Variants in LINGO2 observed in about 807,000 individuals in gnomAD.
LINGO2 encodes leucine rich repeat and Ig domain containing 2, also known as leucine-rich repeat and immunoglobulin-like domain-containing nogo receptor-interacting protein 2.
Under a neutral mutation model 30.6 loss-of-function variants are expected in LINGO2, and 14 were observed. The observed-to-expected ratio is 0.46, with a 90% CI of 0.30 to 0.72. The LOEUF is 0.72. Among genes scored for constraint, LINGO2 ranks in the 30% least tolerant of loss-of-function variants. The pLI is 0.07. For synonymous variants in LINGO2, 317 were observed against 288.5 expected (o/e 1.10, Z -1.00); for missense variants, 729 against 751.7 (o/e 0.97, Z 0.35).
intron 3 of LINGO2, among the ~76,000 whole-genome samples, chr9:28,361,340 T>C (rs1820434887): frequency 6.6e-6 from 1 of 152,160 alleles, no homozygotes; most frequent in African/African-American, 2.4e-5. Context: ...TATGTATGTA[T>C]AGGGAAAAAC....
At chr9:28,872,331 A>C in the LINGO2 span, among the ~76,000 whole-genome samples, 1 of 152,160 alleles carries the variant, frequency 6.6e-6, no homozygotes, top group Admixed American at 6.6e-5. Context: ...TTTGACATCA[A>C]ACTATTGTAG....
At chr9:28,940,639 A>G in the LINGO2 span, among the ~76,000 whole-genome samples, 1 of 152,176 alleles carries the variant, frequency 6.6e-6, no homozygotes, top group African/African-American at 2.4e-5. Flanking sequence ...ATCAGTTATA[A>G]CAAACATTAA....
At chr9:28,340,328 G>T (rs1293652178) in intron 3 of LINGO2, among the ~76,000 whole-genome samples, 3 of 152,092 alleles carry the variant, frequency 2.0e-5, no homozygotes, top group Non-Finnish European at 4.4e-5. Context: ...AATACTGCTA[G>T]CTGATTTGAT....
At chr9:28,530,022 T>A (rs1015549307) in intron 1 of LINGO2, among the ~76,000 whole-genome samples, 2 of 151,930 alleles carry the variant, frequency 1.3e-5, no homozygotes, top group Non-Finnish European at 1.5e-5. Flanking sequence ...ATGATTAAGG[T>A]TGGAAGTAGA....
At chr9:28,377,961 A>G (rs1446445448) in intron 2 of LINGO2, among the ~76,000 whole-genome samples, 4 of 152,218 alleles carry the variant, frequency 2.6e-5, no homozygotes, top group Non-Finnish European at 4.4e-5. Context: ...AGATTTTACA[A>G]GCAGTGAACA....
upstream of LINGO2, among the ~76,000 whole-genome samples, chr9:28,670,978 CTT>C (rs1402408644): frequency 6.6e-6 from 1 of 151,904 alleles, no homozygotes; most frequent in Non-Finnish European, 1.5e-5. Flanking sequence ...GGGGAAGAAA[CTT>C]TTCAAAAAAG....
chr9:28,847,493 T>C, the LINGO2 span, among the ~76,000 whole-genome samples: 1 of 146,998 alleles, frequency 6.8e-6, no homozygotes, highest in Non-Finnish European at 1.5e-5. Flanking sequence ...TCTGTTATGA[T>C]CATGTCTTTT....
the LINGO2 span, among the ~76,000 whole-genome samples, chr9:29,099,440 G>C: frequency 6.6e-6 from 1 of 152,140 alleles, no homozygotes; most frequent in South Asian, 2.1e-4. Context: ...ATGTAGTGAA[G>C]ATACAACCCA....
chr9:28,445,567 T>C (rs866009542), intron 2 of LINGO2, among the ~76,000 whole-genome samples: 3 of 142,810 alleles, frequency 2.1e-5, no homozygotes, highest in Admixed American at 2.1e-4. Context: ...AAAATTGTTA[T>C]TTTTTTTACA....
At chr9:28,111,766 G>A (rs1375669880) in intron 4 of LINGO2, among the ~76,000 whole-genome samples, 1 of 152,022 alleles carries the variant, frequency 6.6e-6, no homozygotes, top group African/African-American at 2.4e-5. Flanking sequence ...TTAAAACCAG[G>A]AAAGAATGCT....
chr9:28,044,032 A>G (rs1186365439), intron 4 of LINGO2, among the ~76,000 whole-genome samples: 1 of 152,192 alleles, frequency 6.6e-6, no homozygotes, highest in African/African-American at 2.4e-5. Flanking sequence ...GTGAAGCTCC[A>G]TGCCTTTGTA....
chr9:28,580,539 A>G, intron 1 of LINGO2, among the ~76,000 whole-genome samples: 1 of 149,884 alleles, frequency 6.7e-6, no homozygotes, highest in East Asian at 2.0e-4. Context: ...TCAGCTCTTG[A>G]CCACTTGCTG....
chr9:28,322,884 C>A (rs1420307740), intron 3 of LINGO2, among the ~76,000 whole-genome samples: 1 of 152,158 alleles, frequency 6.6e-6, no homozygotes, highest in Non-Finnish European at 1.5e-5. Flanking sequence ...TTTAAAATTT[C>A]TAGCTGAATA....
the LINGO2 span, among the ~76,000 whole-genome samples, chr9:29,175,353 A>C: frequency 6.6e-6 from 1 of 152,268 alleles, no homozygotes; most frequent in East Asian, 1.9e-4. Flanking sequence ...TGATATAAAA[A>C]TATTACTATA....
the LINGO2 span, among the ~76,000 whole-genome samples, chr9:29,195,930 G>A: frequency 2.0e-5 from 3 of 151,982 alleles, no homozygotes; most frequent in African/African-American, 7.2e-5. Context: ...AGTTATCCCT[G>A]CATCTAGAAT....
At chr9:28,773,222 G>A in the LINGO2 span, among the ~76,000 whole-genome samples, 24 of 152,048 alleles carry the variant, frequency 1.6e-4, no homozygotes, top group African/African-American at 4.1e-4. Context: ...AAAATTAGCC[G>A]GGTGTAGTGG....
the LINGO2 span, among the ~76,000 whole-genome samples, chr9:28,760,231 C>A: frequency 2.0e-5 from 3 of 152,042 alleles, no homozygotes; most frequent in East Asian, 1.9e-4. Context: ...TAAATAATTT[C>A]TTTCAAAAAA....
chr9:28,549,185 C>T (rs1822130783), intron 1 of LINGO2, among the ~76,000 whole-genome samples: 1 of 152,056 alleles, frequency 6.6e-6, no homozygotes, highest in Non-Finnish European at 1.5e-5. Flanking sequence ...ATAAACAATA[C>T]ATATCATTGT....
chr9:28,586,344 G>A (rs1424207183), intron 1 of LINGO2, among the ~76,000 whole-genome samples: 2 of 151,558 alleles, frequency 1.3e-5, no homozygotes, highest in East Asian at 1.9e-4. Context: ...TTTCTCATTG[G>A]GTTTCACATT....
Sources: gnomAD v4.1 joint callset for allele counts (sites outside exome capture counted in the v4.1 genomes callset) on GRCh38, gnomAD v4.1.1 for gene constraint, MANE v1.5 for transcripts, NCBI Gene and HGNC (gene_info 2026-07-23, HGNC 2026-07-21) for gene names.